The following HIF1AN variants were observed in gnomAD, a reference collection of about 807,000 sequenced individuals.
HIF1AN encodes the protein hypoxia inducible factor 1 subunit alpha inhibitor.
Under a neutral mutation model 47.7 loss-of-function variants are expected in HIF1AN, and 21 were observed. That is an observed-to-expected ratio of 0.44 (90% confidence interval 0.31 to 0.63). The LOEUF is 0.63. Among genes scored for constraint, HIF1AN ranks in the 30% least tolerant of loss-of-function variants. The pLI is 0.07. For missense variants in HIF1AN, 320 were observed against 432.7 expected, an observed-to-expected ratio of 0.74 and a Z score of 2.31; for synonymous variants, 152 against 155.9, an observed-to-expected ratio of 0.98 and a Z score of 0.18.
At chr10:100,543,871 G>A (rs968509908) in intron 3 of HIF1AN, among the ~76,000 whole-genome samples, 3 of 152,198 alleles carry the variant, frequency 2.0e-5, no homozygotes, top group Non-Finnish European at 4.4e-5. Context: ...GCGCCCGGCA[G>A]TTTACTTGAC....
At chr10:100,545,312 C>G in intron 4 of HIF1AN, 1 of 495,500 alleles carries the variant, frequency 2.0e-6, no homozygotes, top group East Asian at 3.1e-5. Flanking sequence ...CCCCACAGAG[C>G]TAATTCTCAG....
rs1177273742 is a variant in HIF1AN, at chr10:100,553,341, G to T, written c.*5204G>T. On this transcript the variant is annotated 3_prime_UTR_variant, in exon 8 of 8. Transcript: ENST00000299163. The stretch of plus-strand genomic sequence containing the variant: ...TTTTTGAGTGTCTCCTAATTTCTCT[G>T]AGGTGTCTTTGGCTCTGTGTCACCA... 1 of 152,226 alleles carries T rather than the reference G, an allele frequency of 6.6e-6. No individual in the cohort carries two copies. Among genetic ancestry groups the T allele is most frequent in the Admixed American group, 6.5e-5 (1 of 15,292 alleles). 9.4% of individuals were successfully genotyped at this position (152,226 alleles called of 1,614,324 possible).
rs1486685756 is a variant in HIF1AN at position 100,559,261 on chromosome 10, CAT to C, written c.*11128_*11129del. Reference sequence around the variant, plus strand: ...ACTTAAGGAAATCAAATACATTAATCATATAAATGCCATTTAAGTGTTTAAAG... The same window carrying C: ...ACTTAAGGAAATCAAATACATTAATCATAAATGCCATTTAAGTGTTTAAAG... On this transcript the variant is annotated 3_prime_UTR_variant, in exon 8 of 8. Transcript: ENST00000299163. The C allele has an allele frequency of 1.3e-5, 2 of 152,104 alleles. No homozygotes were observed. The highest frequency in any genetic ancestry group is 1.5e-5 in the Non-Finnish European group (1 of 68,032). 9.4% of individuals were successfully genotyped at this position (152,104 alleles called of 1,614,324 possible).
At chr10:100,540,819 A>G (rs751640447) in intron 3 of HIF1AN, 37 bp downstream of exon 3, 2 of 1,557,970 alleles carry the variant, frequency 1.3e-6, no homozygotes, top group Non-Finnish European at 1.7e-6. Context: ...GCTTGGAGTC[A>G]TATGAACCTG....
intron 5 of HIF1AN, 65 bp downstream of exon 5, chr10:100,546,114 G>T: frequency 8.9e-7 from 1 of 1,119,188 alleles, no homozygotes; most frequent in Non-Finnish European, 1.4e-6. Context: ...GGAAAGCCTT[G>T]TCTGTGTCGC....
chr10:100,537,784 T>C (rs1852245066), intron 2 of HIF1AN, among the ~76,000 whole-genome samples: 1 of 152,256 alleles, frequency 6.6e-6, no homozygotes, highest in South Asian at 2.1e-4. Context: ...TGACTCCTTA[T>C]CAGCAGTCTG....
intron 2 of HIF1AN, among the ~76,000 whole-genome samples, chr10:100,536,909 T>A (rs1343992016): frequency 4.6e-5 from 7 of 152,206 alleles, no homozygotes. Context: ...GCTATGAATC[T>A]CTGGGTTCCC....
At chr10:100,545,833 CG>C (rs1477523615) in intron 4 of HIF1AN, 109 bp from the exon 5 acceptor site, 7 of 713,022 alleles carry the variant, frequency 9.8e-6, no homozygotes, top group South Asian at 3.5e-5. Flanking sequence ...TTTAAGGCAT[CG>C]TTTTTTTTTT....
Position 100,550,389 on chromosome 10 carries a change from C to T in HIF1AN, c.*2252C>T, listed in dbSNP as rs1418227033. The T allele has an allele frequency of 6.6e-6, 1 of 152,220 alleles. No individual in the cohort carries two copies. The highest frequency in any genetic ancestry group is 1.5e-5 in the Non-Finnish European group (1 of 68,042). The allele number at this position is 152,220 out of a possible 1,614,324, so 9.4% of individuals were successfully genotyped here. Reference sequence around the variant, plus strand: ...CACTATCCTGCAAGGTAGGTATTCTCACTTACAGATGAATAAATGGGCTCA... The same window carrying T: ...CACTATCCTGCAAGGTAGGTATTCTTACTTACAGATGAATAAATGGGCTCA... On this transcript the variant is annotated 3_prime_UTR_variant, in exon 8 of 8. Transcript: ENST00000299163.
At chr10:100,538,994 C>T (rs1050175642) in intron 2 of HIF1AN, among the ~76,000 whole-genome samples, 1 of 151,272 alleles carries the variant, frequency 6.6e-6, no homozygotes, top group Non-Finnish European at 1.5e-5. Flanking sequence ...CAACCTTCAC[C>T]TCCCAGGCTC....
rs559990570 is a variant in HIF1AN at position 100,538,409 on chromosome 10, A to G, written c.428+1748A>G. 5.9e-5 allele frequency among the ~76,000 whole-genome samples: 9 copies of G among 152,324 alleles called. No homozygotes were observed. In the East Asian group the frequency reaches 1.3e-3, roughly 23 times the overall value. On this transcript the variant is annotated intron_variant, in intron 2 of 7. Transcript: ENST00000299163. ...TTGTTTAGATTCATATATGGGCAGT[A>G]TCACTGACTCTTTCAAAGTTACTTG... is the stretch of plus-strand genomic sequence containing the variant.
At chr10:100,547,978 T>C in intron 7 of HIF1AN, 115 bp from the exon 8 acceptor site, 1 of 916,044 alleles carries the variant, frequency 1.1e-6, no homozygotes, top group Non-Finnish European at 1.8e-6. Flanking sequence ...CACAAGATTG[T>C]ATGAAAACAT....
chr10:100,554,133 A>G lies in HIF1AN; in HGVS notation c.*5996A>G, dbSNP rs1474728442. On this transcript the variant is annotated 3_prime_UTR_variant, in exon 8 of 8. Transcript: ENST00000299163. The stretch of plus-strand genomic sequence containing the variant: ...TTATGCCTCTTCTGCCTGGGCAGCC[A>G]GACTTTACTGCTGTACTACCAGCCC... 5 of 152,366 alleles carry G rather than the reference A, an allele frequency of 3.3e-5. No individual in the cohort carries two copies. Among genetic ancestry groups the G allele is most frequent in the Admixed American group, 2.6e-4 (4 of 15,300 alleles). The allele number at this position is 152,366 out of a possible 1,614,324, so 9.4% of individuals were successfully genotyped here. A position where few individuals can be genotyped will look rare whatever the true frequency, so the allele number is the denominator to read the frequency against.
chr10:100,546,456 T>TTG, intron 5 of HIF1AN, 62 bp from the exon 6 acceptor site: 1 of 679,324 alleles, frequency 1.5e-6, no homozygotes, highest in South Asian at 1.5e-5. Context: ...CCCCCGCACT[T>TTG]CGCCCCTCCG....
intron 3 of HIF1AN, among the ~76,000 whole-genome samples, chr10:100,542,930 G>T (rs916203864): frequency 1.3e-5 from 2 of 149,760 alleles, no homozygotes; most frequent in Non-Finnish European, 3.0e-5. Context: ...TTTTTATGAG[G>T]CAGGGTCATT....
At chr10:100,543,385 G>A (rs1487142137) in intron 3 of HIF1AN, among the ~76,000 whole-genome samples, 1 of 151,954 alleles carries the variant, frequency 6.6e-6, no homozygotes, top group Non-Finnish European at 1.5e-5. Flanking sequence ...GTAGAGATGG[G>A]GGTCTCCCTA....
chr10:100,551,794 A>T lies in HIF1AN; in HGVS notation c.*3657A>T, dbSNP rs1323850184. 1 of 152,200 alleles carries T rather than the reference A, an allele frequency of 6.6e-6. No individual in the cohort carries two copies. The highest frequency in any genetic ancestry group is 1.5e-5 in the Non-Finnish European group (1 of 68,044). 9.4% of individuals were successfully genotyped at this position (152,200 alleles called of 1,614,324 possible). On this transcript the variant is annotated 3_prime_UTR_variant, in exon 8 of 8. Transcript: ENST00000299163. ...GGAGCTTCTGCTTAGTTGGGGAAGAAATTACATGAAGCAACCAGAGGTTAT... is the reference window on the plus strand; with the variant it reads ...GGAGCTTCTGCTTAGTTGGGGAAGATATTACATGAAGCAACCAGAGGTTAT...
In HIF1AN at chr10:100,540,750, T is replaced by C; in HGVS notation, c.545T>C (p.Leu182Pro). The change falls in exon 3 of 8, where the codon CTT (leucine) becomes CCT (proline). Residue 182 changes from leucine to proline, a missense_variant. This residue lies in a region of HIF1AN where 161 missense variants were observed against 272.8 expected (regional missense o/e 0.59). Coordinates refer to ENST00000299163, the MANE Select transcript of HIF1AN (RefSeq NM_017902.3). ...CAGGGAAAGCGTGGCTGGGGGCAGC[T>C]TACCTCTAACCTGCTGCTCATTGGC... ...KQQGKRGWGQ[L>P]TSNLLLIGME... 1 of 1,613,334 alleles carries C rather than the reference T, an allele frequency of 6.2e-7. No individual in the cohort carries two copies. Among genetic ancestry groups the C allele is most frequent in the Non-Finnish European group, 8.5e-7 (1 of 1,179,758 alleles).
chr10:100,545,123 A>G (rs1843081472), intron 4 of HIF1AN, 27 bp downstream of exon 4: 1 of 1,606,298 alleles, frequency 6.2e-7, no homozygotes, highest in African/African-American at 1.3e-5. Flanking sequence ...TGAGAAGGGT[A>G]TAGAACTCTA....
Sources: gnomAD v4.1 joint callset for allele counts (sites outside exome capture counted in the v4.1 genomes callset) on GRCh38, gnomAD v4.1.1 for gene constraint, gnomAD v4.1.1 regional missense constraint, MANE v1.5 for transcripts, NCBI Gene and HGNC (gene_info 2026-07-23, HGNC 2026-07-21) for gene names.